The following NCOA7 variants were observed in gnomAD, a reference collection of about 807,000 sequenced individuals.
NCOA7 encodes 140 kDa estrogen receptor-associated protein.
In NCOA7, 45 loss-of-function variants were observed where a neutral mutation model predicts 104.3. That is an observed-to-expected ratio of 0.43 (90% CI 0.34 to 0.55). NCOA7 has a LOEUF of 0.55. Ranked by LOEUF, NCOA7 falls within the 20% of genes least tolerant of loss-of-function variation. NCOA7 has a pLI of 0.02. For missense variants in NCOA7, 1,041 were observed against 1,119.7 expected (o/e 0.93, Z 1.00); for synonymous variants, 398 against 402.3 (o/e 0.99, Z 0.13).
chr6:125,791,326 G>A (rs1774835974), intron 1 of NCOA7, among the ~76,000 whole-genome samples: 1 of 152,250 alleles, frequency 6.6e-6, no homozygotes. Context: ...GGGGGTGCGC[G>A]CCAGTACGAG....
intron 1 of NCOA7, among the ~76,000 whole-genome samples, chr6:125,784,309 G>C (rs1228869184): frequency 6.6e-6 from 1 of 152,138 alleles, no homozygotes; most frequent in Non-Finnish European, 1.5e-5. Context: ...CAGGATCCCT[G>C]ACCTTAAAAC....
intron 3 of NCOA7, among the ~76,000 whole-genome samples, chr6:125,862,756 C>T (rs997735777): frequency 3.6e-5 from 5 of 138,480 alleles, no homozygotes; most frequent in Admixed American, 3.4e-4. Flanking sequence ...ATAATCACAG[C>T]ACTTTGGGGG....
chr6:125,901,651 A>T (rs776751750), intron 10 of NCOA7, among the ~76,000 whole-genome samples: 6 of 152,214 alleles, frequency 3.9e-5, no homozygotes, highest in Non-Finnish European at 7.3e-5. Flanking sequence ...GGTTACAAAC[A>T]GTGCTCTTTT....
intron 10 of NCOA7, among the ~76,000 whole-genome samples, chr6:125,908,977 G>A (rs1398919960): frequency 1.3e-5 from 2 of 152,188 alleles, no homozygotes; most frequent in African/African-American, 4.8e-5. Flanking sequence ...ATATTTGATT[G>A]CATGAACTCA....
At chr6:125,794,599 C>A (rs769592610) in intron 1 of NCOA7, among the ~76,000 whole-genome samples, 11 of 152,116 alleles carry the variant, frequency 7.2e-5, no homozygotes, top group Admixed American at 6.5e-5. Flanking sequence ...GAAGCCATTG[C>A]ACAATTGATC....
chr6:125,877,026 C>G (rs907886586), intron 4 of NCOA7, among the ~76,000 whole-genome samples: 1 of 152,130 alleles, frequency 6.6e-6, no homozygotes, highest in African/African-American at 2.4e-5. Context: ...ATACATAATA[C>G]AGTATTAAAA....
At chr6:125,851,148 G>A (rs1460313131) in intron 2 of NCOA7, among the ~76,000 whole-genome samples, 1 of 152,122 alleles carries the variant, frequency 6.6e-6, no homozygotes, top group Non-Finnish European at 1.5e-5. Context: ...GGTGGTACAA[G>A]TGGTTTTTGG....
intron 3 of NCOA7, among the ~76,000 whole-genome samples, chr6:125,861,462 C>G (rs1054384729): frequency 6.6e-6 from 1 of 152,048 alleles, no homozygotes; most frequent in Non-Finnish European, 1.5e-5. Flanking sequence ...AAGTAATGAT[C>G]GTCCTGGTAC....
chr6:125,917,452 C>G (rs1583544815), intron 11 of NCOA7, among the ~76,000 whole-genome samples: 1 of 152,164 alleles, frequency 6.6e-6, no homozygotes, highest in Non-Finnish European at 1.5e-5. Flanking sequence ...CACACCCTAT[C>G]CTTGCTCTCA....
At chr6:125,815,934 T>G (rs1040257755) in intron 2 of NCOA7, among the ~76,000 whole-genome samples, 6 of 152,242 alleles carry the variant, frequency 3.9e-5, no homozygotes, top group Non-Finnish European at 8.8e-5. Context: ...AGAAGTAATG[T>G]AGTATATGAT....
chr6:125,896,091 C>T (rs1784998042), intron 10 of NCOA7, among the ~76,000 whole-genome samples: 1 of 149,720 alleles, frequency 6.7e-6, no homozygotes, highest in African/African-American at 2.4e-5. Flanking sequence ...GCAGTTAGCA[C>T]ACCATTATGT....
At chr6:125,807,602 A>C (rs1776579204) in intron 1 of NCOA7, among the ~76,000 whole-genome samples, 1 of 152,052 alleles carries the variant, frequency 6.6e-6, no homozygotes, top group South Asian at 2.1e-4. Flanking sequence ...GTAAATTTCC[A>C]CCTTATAATA....
chr6:125,811,698 T>G (rs1777018957), intron 1 of NCOA7, among the ~76,000 whole-genome samples: 1 of 152,026 alleles, frequency 6.6e-6, no homozygotes. Flanking sequence ...CCATCTTTCC[T>G]TTTTCTTCTT....
intron 2 of NCOA7, among the ~76,000 whole-genome samples, chr6:125,832,179 A>G (rs772145980): frequency 2.0e-5 from 3 of 152,226 alleles, no homozygotes; most frequent in Admixed American, 6.5e-5. Context: ...ATCCAAATCT[A>G]CAAAATTTCT....
intron 10 of NCOA7, among the ~76,000 whole-genome samples, chr6:125,913,102 A>G (rs978865606): frequency 6.6e-6 from 1 of 152,130 alleles, no homozygotes; most frequent in Admixed American, 6.5e-5. Flanking sequence ...ATAGCCTTTC[A>G]GAGTAGTTTA....
At chr6:125,789,647 CTAAAT>C (rs1221413322), upstream of NCOA7, among the ~76,000 whole-genome samples, 6 of 152,206 alleles carry the variant, frequency 3.9e-5, no homozygotes, top group Non-Finnish European at 8.8e-5. Flanking sequence ...AACCTGACGT[CTAAAT>C]TAATACGTGC....
chr6:125,807,016 C>T (rs1776529023), intron 1 of NCOA7, among the ~76,000 whole-genome samples: 1 of 152,090 alleles, frequency 6.6e-6, no homozygotes, highest in Admixed American at 6.5e-5. Flanking sequence ...CAGTATGTGC[C>T]CTGTCACTCT....
At chr6:125,793,654 A>G (rs1775053400) in intron 1 of NCOA7, among the ~76,000 whole-genome samples, 1 of 152,164 alleles carries the variant, frequency 6.6e-6, no homozygotes, top group African/African-American at 2.4e-5. Context: ...AGAAACCTCT[A>G]TTCCTTTCTT....
intron 8 of NCOA7, among the ~76,000 whole-genome samples, chr6:125,888,155 C>A (rs1784386119): frequency 6.6e-6 from 1 of 152,116 alleles, no homozygotes; most frequent in African/African-American, 2.4e-5. Context: ...CATCCCAGGA[C>A]AATATGTTTC....
Sources: allele counts gnomAD v4.1 joint callset (sites outside exome capture counted in the v4.1 genomes callset), GRCh38; gene constraint gnomAD v4.1.1; transcripts MANE v1.5; gene names NCBI Gene and HGNC (gene_info 2026-07-23, HGNC 2026-07-21).